NRG3: variants seen among roughly 807,000 people sequenced by gnomAD.
NRG3 encodes the protein neuregulin 3, also known as pro-neuregulin-3, membrane-bound isoform.
In NRG3, 31 loss-of-function variants were observed where a neutral mutation model predicts 66.9. The ratio of observed to expected loss-of-function variants is 0.46; its 90% CI spans 0.35 to 0.63. The LOEUF is 0.63. NRG3 is among the 20% of genes least tolerant of loss of function. The pLI, the probability that NRG3 is intolerant of heterozygous loss-of-function variation, is 0.00. For missense variants in NRG3, 910 were observed against 878.9 expected (o/e 1.04, Z -0.45); for synonymous variants, 393 against 359.4 (o/e 1.09, Z -1.06).
chr10:82,862,747 G>T (rs927100247), intron 3 of NRG3, among the ~76,000 whole-genome samples: 1 of 152,066 alleles, frequency 6.6e-6, no homozygotes, highest in East Asian at 1.9e-4. Context: ...CTTGGGATTC[G>T]CTCTCAAAAC....
At chr10:82,076,618 G>A (rs545652054) in intron 1 of NRG3, among the ~76,000 whole-genome samples, 1 of 152,232 alleles carries the variant, frequency 6.6e-6, no homozygotes, top group South Asian at 2.1e-4. Flanking sequence ...GTATGAGTGA[G>A]TTCTAGCTCT....
At chr10:82,853,139 T>C (rs1394509662) in intron 3 of NRG3, among the ~76,000 whole-genome samples, 2 of 152,206 alleles carry the variant, frequency 1.3e-5, no homozygotes, top group Non-Finnish European at 2.9e-5. Flanking sequence ...GGAGTGTGTG[T>C]ATGTGTGTAT....
chr10:81,963,514 A>C (rs1344837193), intron 1 of NRG3, among the ~76,000 whole-genome samples: 2 of 152,196 alleles, frequency 1.3e-5, no homozygotes, highest in East Asian at 3.9e-4. Context: ...GATTGAATTT[A>C]ACGATTACAC....
At chr10:82,093,050 T>G (rs1046477407) in intron 1 of NRG3, among the ~76,000 whole-genome samples, 1 of 152,184 alleles carries the variant, frequency 6.6e-6, no homozygotes, top group African/African-American at 2.4e-5. Flanking sequence ...GATAAAGCCT[T>G]AGACTCATTA....
chr10:82,013,563 T>A (rs1431789581), intron 1 of NRG3, among the ~76,000 whole-genome samples: 5 of 152,070 alleles, frequency 3.3e-5, no homozygotes, highest in Non-Finnish European at 5.9e-5. Context: ...AGACTTTAAG[T>A]ATTCATGTCA....
chr10:82,560,665 A>G (rs2044977579), intron 2 of NRG3, among the ~76,000 whole-genome samples: 1 of 151,188 alleles, frequency 6.6e-6, no homozygotes, highest in African/African-American at 2.4e-5. Flanking sequence ...ATGTAACTAT[A>G]GTATTAATAG....
intron 1 of NRG3, among the ~76,000 whole-genome samples, chr10:81,905,262 A>T (rs1348059598): frequency 6.6e-6 from 1 of 152,152 alleles, no homozygotes; most frequent in East Asian, 1.9e-4. Context: ...CCCCTTGTGG[A>T]AAATCACAAC....
At chr10:82,619,307 G>A (rs2048880112) in intron 2 of NRG3, among the ~76,000 whole-genome samples, 1 of 152,170 alleles carries the variant, frequency 6.6e-6, no homozygotes, top group Non-Finnish European at 1.5e-5. Flanking sequence ...ATACCAGTGT[G>A]AGCTGGAGAG....
intron 4 of NRG3, among the ~76,000 whole-genome samples, chr10:82,876,323 A>C (rs1048284641): frequency 6.6e-6 from 1 of 152,206 alleles, no homozygotes; most frequent in Non-Finnish European, 1.5e-5. Context: ...TAATATGGTG[A>C]AACATTAATT....
At chr10:82,176,906 A>AC (rs1251109253) in intron 1 of NRG3, among the ~76,000 whole-genome samples, 9 of 51,584 alleles carry the variant, frequency 1.7e-4, no homozygotes, top group East Asian at 1.3e-3. Context: ...CACACACACA[A>AC]ACACACACAC....
chr10:82,623,206 G>A (rs17100333), intron 2 of NRG3, among the ~76,000 whole-genome samples: 4,291 of 152,192 alleles, frequency 0.028, 204 homozygotes, highest in African/African-American at 0.094. Context: ...GATACTTTGG[G>A]ACACTTCGTT....
intron 1 of NRG3, among the ~76,000 whole-genome samples, chr10:82,310,671 A>G (rs1170549198): frequency 6.6e-6 from 1 of 152,168 alleles, no homozygotes; most frequent in Admixed American, 6.6e-5. Flanking sequence ...TTCATTGCGA[A>G]ATACCGTAAG....
chr10:82,682,438 T>TA (rs927376817), intron 2 of NRG3, among the ~76,000 whole-genome samples: 3 of 151,090 alleles, frequency 2.0e-5, no homozygotes, highest in African/African-American at 7.3e-5. Flanking sequence ...GATAGATAGA[T>TA]AATAGATTAG....
At chr10:82,362,242 A>T (rs965893112) in intron 2 of NRG3, among the ~76,000 whole-genome samples, 5 of 132,458 alleles carry the variant, frequency 3.8e-5, no homozygotes, top group East Asian at 2.1e-4. Flanking sequence ...CAATTTAATT[A>T]AAAAAAAAAA....
At chr10:82,687,085 C>A (rs1200196860) in intron 2 of NRG3, among the ~76,000 whole-genome samples, 1 of 152,174 alleles carries the variant, frequency 6.6e-6, no homozygotes, top group Admixed American at 6.5e-5. Context: ...TCATGCCCTC[C>A]GGAGCAACCA....
chr10:82,461,196 TCAC>T (rs963448664), intron 2 of NRG3, among the ~76,000 whole-genome samples: 4 of 150,246 alleles, frequency 2.7e-5, no homozygotes, highest in African/African-American at 9.8e-5. Flanking sequence ...ACCACCACAA[TCAC>T]CACCATTAAC....
chr10:81,876,138 A>G lies in NRG3; in HGVS notation c.798A>G (p.Pro266=). The G allele has an allele frequency of 1.3e-6, 2 of 1,598,072 alleles. No individual in the cohort carries two copies. The highest frequency in any genetic ancestry group is 8.5e-7 in the Non-Finnish European group (1 of 1,172,184). Residue 266 remains proline, a synonymous_variant, in exon 1 of 9, where the codon CCA becomes CCG. Coordinates refer to ENST00000372141, the MANE Select transcript of NRG3 (RefSeq NM_001010848.4). ...CCTCCTCCGCTACCACCACCACACC[A>G]GAAACTAGCACCAGCCCCAAATTTC... ...SSSSSATTTT[P]ETSTSPKFHT...
chr10:82,109,028 T>C (rs1161530167), intron 1 of NRG3, among the ~76,000 whole-genome samples: 1 of 152,222 alleles, frequency 6.6e-6, no homozygotes, highest in East Asian at 1.9e-4. Flanking sequence ...GGCTGGGTTT[T>C]ATTCACCAGG....
At chr10:82,313,603 C>T (rs184119720) in intron 1 of NRG3, among the ~76,000 whole-genome samples, 7 of 152,116 alleles carry the variant, frequency 4.6e-5, no homozygotes, top group Admixed American at 1.3e-4. Context: ...AAAAAGCAAC[C>T]GTAGCCCATA....
Sources: allele counts gnomAD v4.1 joint callset (sites outside exome capture counted in the v4.1 genomes callset), GRCh38; gene constraint gnomAD v4.1.1; transcripts MANE v1.5; gene names NCBI Gene and HGNC (gene_info 2026-07-23, HGNC 2026-07-21).